THSD7A: variants seen among roughly 807,000 people sequenced by gnomAD.
THSD7A encodes thrombospondin type 1 domain containing 7A.
A neutral mutation model predicts 231.3 loss-of-function variants in THSD7A; 96 were observed. The ratio of observed to expected loss-of-function variants is 0.41; its 90% CI spans 0.35 to 0.49. THSD7A has a LOEUF of 0.49. Among genes scored for constraint, THSD7A ranks in the 20% least tolerant of loss-of-function variants. The pLI, the probability that THSD7A is intolerant of heterozygous loss-of-function variation, is 0.05. For synonymous variants in THSD7A, 940 were observed against 743.3 expected (o/e 1.26, Z -4.30); for missense variants, 2,290 against 2,070.2 (o/e 1.11, Z -2.06).
At chr7:11,599,584 T>C (rs1481775640) in intron 2 of THSD7A, among the ~76,000 whole-genome samples, 1 of 152,208 alleles carries the variant, frequency 6.6e-6, no homozygotes, top group East Asian at 1.9e-4. Flanking sequence ...TATGTAATAG[T>C]ATTTGGTTTG....
intron 1 of THSD7A, among the ~76,000 whole-genome samples, chr7:11,694,690 C>T (rs1780335459): frequency 6.6e-6 from 1 of 151,488 alleles, no homozygotes; most frequent in South Asian, 2.1e-4. Context: ...TCTGGTTCAC[C>T]TCTTGGATGA....
At chr7:11,708,106 T>C (rs1780830009) in intron 1 of THSD7A, among the ~76,000 whole-genome samples, 1 of 150,742 alleles carries the variant, frequency 6.6e-6, no homozygotes, top group African/African-American at 2.4e-5. Context: ...GTTATTAATC[T>C]TCAAAATACC....
chr7:11,669,395 G>C (rs1401993544), intron 1 of THSD7A, among the ~76,000 whole-genome samples: 2 of 151,838 alleles, frequency 1.3e-5, no homozygotes, highest in South Asian at 2.1e-4. Context: ...GAGAAACAAA[G>C]AATAAGATGC....
At chr7:11,436,759 A>G (rs1441644170) in intron 13 of THSD7A, among the ~76,000 whole-genome samples, 2 of 151,886 alleles carry the variant, frequency 1.3e-5, no homozygotes. Flanking sequence ...CAAAAGCTTA[A>G]GATAGTTTCT....
At chr7:11,825,382 G>A (rs1784995568) in intron 1 of THSD7A, among the ~76,000 whole-genome samples, 1 of 152,094 alleles carries the variant, frequency 6.6e-6, no homozygotes, top group Non-Finnish European at 1.5e-5. Context: ...TGATCTCAAA[G>A]TCCGTGTTCT....
chr7:11,750,692 C>G (rs937502566), intron 1 of THSD7A, among the ~76,000 whole-genome samples: 7 of 152,000 alleles, frequency 4.6e-5, no homozygotes, highest in African/African-American at 1.7e-4. Context: ...AGTCTCTACT[C>G]AGACAGCATA....
chr7:11,794,289 T>C (rs1005772952), intron 1 of THSD7A, among the ~76,000 whole-genome samples: 30 of 152,024 alleles, frequency 2.0e-4, no homozygotes, highest in African/African-American at 6.0e-4. Context: ...CCTGAAAAAT[T>C]TGAGTCAGCA....
chr7:11,379,617 A>C lies in THSD7A; in HGVS notation c.4590+13T>G, dbSNP rs754240561. The stretch of plus-strand genomic sequence containing the variant: ...TGGAGCTGGCTTGTCTGCCCTGATG[A>C]ATTTTCACATACCTCGCTACAGTAC... On this transcript the variant is annotated intron_variant, in intron 25 of 27. Coordinates refer to ENST00000423059, the MANE Select transcript of THSD7A (RefSeq NM_015204.3). 3.8e-6 allele frequency: 6 copies of C among 1,570,900 alleles called. No homozygotes were observed. The Admixed American group carries it at 7.4e-5, about 19-fold the overall frequency.
chr7:11,425,111 A>T (rs1460650404), intron 15 of THSD7A, among the ~76,000 whole-genome samples: 7 of 152,130 alleles, frequency 4.6e-5, no homozygotes, highest in Non-Finnish European at 5.9e-5. Context: ...CTGACCCTTA[A>T]CACACCGTAT....
rs1784978322 is a variant in THSD7A at position 11,446,564 on chromosome 7, C to CT, written c.2801-241dup. ...TTTTCAGAACACTATTTTTCACATA[C>CT]TTTTTAATTATACTACAGATAAGTA... is the stretch of plus-strand genomic sequence containing the variant. On this transcript the variant is annotated intron_variant, in intron 12 of 27. Coordinates refer to ENST00000423059, the MANE Select transcript of THSD7A (RefSeq NM_015204.3). The surrounding 1 kb of genome is among the most constrained non-coding windows in gnomAD (Gnocchi z 4.0). 6.6e-6 allele frequency among the ~76,000 whole-genome samples: 1 copy of CT among 152,034 alleles called. No homozygotes were observed. The highest frequency in any genetic ancestry group is 2.1e-4 in the South Asian group (1 of 4,822).
chr7:11,606,783 A>G (rs1048791139), intron 2 of THSD7A, among the ~76,000 whole-genome samples: 1 of 152,108 alleles, frequency 6.6e-6, no homozygotes, highest in Non-Finnish European at 1.5e-5. Flanking sequence ...TTTTGTGTAA[A>G]GCAAAATATA....
intron 4 of THSD7A, among the ~76,000 whole-genome samples, chr7:11,578,100 T>C (rs1417792339): frequency 2.6e-5 from 4 of 152,226 alleles, no homozygotes; most frequent in Non-Finnish European, 5.9e-5. Context: ...TTGCTCTCCA[T>C]TATGTTTCTC....
At chr7:11,778,859 C>T (rs538927995) in intron 1 of THSD7A, among the ~76,000 whole-genome samples, 9 of 152,066 alleles carry the variant, frequency 5.9e-5, no homozygotes, top group African/African-American at 1.9e-4. Flanking sequence ...TGTATAACAT[C>T]CTTATTAATT....
intron 6 of THSD7A, among the ~76,000 whole-genome samples, chr7:11,509,881 T>C (rs1333488708): frequency 6.9e-6 from 1 of 145,438 alleles, no homozygotes; most frequent in Non-Finnish European, 1.5e-5. Context: ...ATATTAAGAA[T>C]CTGAACATTG....
intron 6 of THSD7A, among the ~76,000 whole-genome samples, chr7:11,506,764 T>C (rs1019007018): frequency 2.6e-5 from 4 of 152,208 alleles, no homozygotes; most frequent in Non-Finnish European, 4.4e-5. Flanking sequence ...TATTTGCTTA[T>C]TCTGGGAATT....
chr7:11,506,101 A>G (rs1787532366), intron 6 of THSD7A, among the ~76,000 whole-genome samples: 1 of 152,084 alleles, frequency 6.6e-6, no homozygotes, highest in African/African-American at 2.4e-5. Flanking sequence ...ATTTAACTTC[A>G]AAAGGGGGCC....
chr7:11,683,052 C>T (rs116151772), intron 1 of THSD7A, among the ~76,000 whole-genome samples: 1,656 of 147,734 alleles, frequency 0.011, 21 homozygotes, highest in African/African-American at 0.039. Flanking sequence ...ACCCAGGGGA[C>T]GGAATTTGCA....
chr7:11,670,121 C>A (rs903549404), intron 1 of THSD7A, among the ~76,000 whole-genome samples: 1 of 152,106 alleles, frequency 6.6e-6, no homozygotes, highest in African/African-American at 2.4e-5. Flanking sequence ...GCAAACAGCA[C>A]AAAGACAGGC....
At chr7:11,497,931 C>A (rs1787169988) in intron 6 of THSD7A, among the ~76,000 whole-genome samples, 1 of 152,158 alleles carries the variant, frequency 6.6e-6, no homozygotes. Flanking sequence ...GCTTCCCCCA[C>A]AGATCTTTGC....
Sources: allele counts gnomAD v4.1 joint callset (sites outside exome capture counted in the v4.1 genomes callset), GRCh38; gene constraint gnomAD v4.1.1; non-coding constraint Gnocchi (gnomAD v3.1); transcripts MANE v1.5; gene names NCBI Gene and HGNC (gene_info 2026-07-23, HGNC 2026-07-21).